B3GALNT2: variants seen among roughly 807,000 people sequenced by gnomAD.
B3GALNT2 encodes the protein UDP-GalNAc:beta-1,3-N-acetylgalactosaminyltransferase 2.
In B3GALNT2, 53 loss-of-function variants were observed where a neutral mutation model predicts 61.1. The observed-to-expected ratio is 0.87, with a 90% CI of 0.70 to 1.09. The LOEUF (loss-of-function observed/expected upper bound fraction) is 1.09. Among genes scored for constraint, B3GALNT2 ranks in the 50% least tolerant of loss-of-function variants. B3GALNT2 has a pLI of 0.00. For missense variants in B3GALNT2, 544 were observed against 623.0 expected (o/e 0.87, Z 1.35); for synonymous variants, 223 against 237.4 (o/e 0.94, Z 0.56).
At chr1:235,454,445 T>TC (rs1332754399) in intron 9 of B3GALNT2, 130 bp from the exon 10 acceptor site, 2 of 1,029,666 alleles carry the variant, frequency 1.9e-6, no homozygotes, top group Non-Finnish European at 2.7e-6. Flanking sequence ...TAAGAAAATT[T>TC]CTTTTTTTTT....
intron 4 of B3GALNT2, among the ~76,000 whole-genome samples, chr1:235,481,623 C>T (rs981361785): frequency 3.9e-5 from 6 of 152,040 alleles, no homozygotes; most frequent in South Asian, 2.1e-4. Flanking sequence ...GGATTACAGG[C>T]GTGAGCCATT....
At chr1:235,465,458 T>C in intron 7 of B3GALNT2, 178 bp downstream of exon 7, 2 of 970,320 alleles carry the variant, frequency 2.1e-6, no homozygotes, top group Admixed American at 3.2e-5. Flanking sequence ...TTTTGGGAGG[T>C]GGAGCCGGTT....
At chr1:235,472,970 G>A (rs704715) in intron 5 of B3GALNT2, among the ~76,000 whole-genome samples, 68,836 of 151,872 alleles carry the variant, frequency 0.45, 16,230 homozygotes, top group Non-Finnish European at 0.5. Context: ...GTGCAGTGGC[G>A]TGATCTCTGC....
At chr1:235,501,905 T>A (rs1313430056) in intron 1 of B3GALNT2, among the ~76,000 whole-genome samples, 1 of 151,892 alleles carries the variant, frequency 6.6e-6, no homozygotes. Context: ...GACAGCACAA[T>A]GGTAAAGGAA....
At chr1:235,466,731 A>T (rs764702124) in intron 6 of B3GALNT2, among the ~76,000 whole-genome samples, 52 of 152,156 alleles carry the variant, frequency 3.4e-4, no homozygotes, top group Admixed American at 4.6e-4. Flanking sequence ...TAGAATGGAG[A>T]ATCTTTTATT....
At chr1:235,503,725 G>C (rs1193026984) in intron 1 of B3GALNT2, among the ~76,000 whole-genome samples, 1 of 151,028 alleles carries the variant, frequency 6.6e-6, no homozygotes, top group Non-Finnish European at 1.5e-5. Context: ...AGTCTTGACC[G>C]AGAAAGACCA....
At chr1:235,488,890 C>G (rs938482226) in intron 3 of B3GALNT2, among the ~76,000 whole-genome samples, 1 of 151,508 alleles carries the variant, frequency 6.6e-6, no homozygotes, top group Non-Finnish European at 1.5e-5. Context: ...CTCAACTCTA[C>G]AAAAAATTTA....
chr1:235,448,867 T>TACAACTTGTCCTAAGTATAAC lies in B3GALNT2; in HGVS notation c.*1318_*1338dup, dbSNP rs1682689664. The TACAACTTGTCCTAAGTATAAC allele has an allele frequency of 1.1e-6, 1 of 879,094 alleles. No homozygotes were observed. Among genetic ancestry groups the TACAACTTGTCCTAAGTATAAC allele is most frequent in the Middle Eastern group, 2.1e-4 (1 of 4,676 alleles). 54.5% of individuals were successfully genotyped at this position (879,094 alleles called of 1,614,324 possible). A position where few individuals can be genotyped will look rare whatever the true frequency, so the allele number is the denominator to read the frequency against. Reference sequence around the variant, plus strand: ...TTCTACTGTCAAAACAAAGGGGGTTTACAACTTGTCCTAAGTATAACAAGG... The same window carrying TACAACTTGTCCTAAGTATAAC: ...TTCTACTGTCAAAACAAAGGGGGTTTACAACTTGTCCTAAGTATAACACAACTTGTCCTAAGTATAACAAGG... On this transcript the variant is annotated 3_prime_UTR_variant, in exon 12 of 12. Coordinates refer to ENST00000366600, the MANE Select transcript of B3GALNT2 (RefSeq NM_152490.5).
chr1:235,455,510 C>T (rs1286767923), intron 9 of B3GALNT2, 49 bp downstream of exon 9: 1 of 1,569,080 alleles, frequency 6.4e-7, no homozygotes, highest in Admixed American at 1.7e-5. Flanking sequence ...TTATTAATTA[C>T]ATTTGATCAG....
intron 7 of B3GALNT2, 56 bp downstream of exon 7, chr1:235,465,580 A>G: frequency 1.9e-6 from 3 of 1,577,496 alleles, no homozygotes; most frequent in South Asian, 1.2e-5. Flanking sequence ...TCTCAAGTAT[A>G]AAGATTAAGT....
At chr1:235,470,462 C>G (rs1003434061) in intron 6 of B3GALNT2, among the ~76,000 whole-genome samples, 1 of 151,126 alleles carries the variant, frequency 6.6e-6, no homozygotes, top group Non-Finnish European at 1.5e-5. Flanking sequence ...TGTAGTGGTG[C>G]GCACCTGTAG....
At chr1:235,504,072 C>T in intron 1 of B3GALNT2, 69 bp downstream of exon 1, 1 of 1,198,984 alleles carries the variant, frequency 8.3e-7, no homozygotes, top group Non-Finnish European at 1.0e-6. Flanking sequence ...CCCGGCGAAG[C>T]CCCGCGGCAC....
At chr1:235,461,505 C>A (rs1283039401) in intron 7 of B3GALNT2, among the ~76,000 whole-genome samples, 1 of 117,198 alleles carries the variant, frequency 8.5e-6, no homozygotes, top group Non-Finnish European at 1.7e-5. Context: ...AGATGACCTC[C>A]TGTTTTTTTT....
intron 2 of B3GALNT2, among the ~76,000 whole-genome samples, chr1:235,493,197 G>A (rs1685162560): frequency 6.6e-6 from 1 of 152,190 alleles, no homozygotes; most frequent in South Asian, 2.1e-4. Flanking sequence ...TATGGTCTAA[G>A]CAGCATCTGG....
intron 1 of B3GALNT2, among the ~76,000 whole-genome samples, chr1:235,502,137 T>C (rs1208749719): frequency 6.6e-6 from 1 of 152,148 alleles, no homozygotes; most frequent in South Asian, 2.1e-4. Flanking sequence ...CTCAGCCTCC[T>C]TAGTAGCTGG....
Position 235,471,046 on chromosome 1 carries a change from A to G in B3GALNT2, c.652-86T>C, listed in dbSNP as rs1572513642. 4.5e-6 allele frequency: 7 copies of G among 1,553,756 alleles called. No homozygotes were observed. The East Asian group carries it at 1.4e-4, about 30-fold the overall frequency. On this transcript the variant is annotated intron_variant, in intron 5 of 11. Coordinates refer to ENST00000366600, the MANE Select transcript of B3GALNT2 (RefSeq NM_152490.5). ...ATGCTTTCAGGCAAGATTTTTAGAG[A>G]AAATTTTTCCCAAAACGTATCATTT...
chr1:235,504,214 G>T lies in B3GALNT2; in HGVS notation c.39C>A (p.Leu13=). The T allele has an allele frequency of 6.8e-7, 1 of 1,460,040 alleles. No individual in the cohort carries two copies. Among genetic ancestry groups the T allele is most frequent in the South Asian group, 1.3e-5 (1 of 76,982 alleles). 90.4% of individuals were successfully genotyped at this position (1,460,040 alleles called of 1,614,324 possible). A position where few individuals can be genotyped will look rare whatever the true frequency, so the allele number is the denominator to read the frequency against. ...NWLVLLCPCV[L]GAALHLWLRL... Reference sequence around the variant, plus strand: ...GCAGCCAGAGGTGCAGCGCGGCCCCGAGCACACACGGGCACAGCAGCACCA... The same window carrying T: ...GCAGCCAGAGGTGCAGCGCGGCCCCTAGCACACACGGGCACAGCAGCACCA... The change falls in exon 1 of 12, where the codon CTC becomes CTA. Residue 13 remains leucine, a synonymous_variant. Transcript: ENST00000366600.
chr1:235,458,841 A>G (rs1683288078), intron 7 of B3GALNT2, 55 bp from the exon 8 acceptor site: 5 of 1,424,992 alleles, frequency 3.5e-6, no homozygotes, highest in African/African-American at 1.5e-5. Context: ...GTTACCATTC[A>G]GAACTGATGA....
rs1007877874 is a variant in B3GALNT2, at chr1:235,448,086, G to A, written c.*2120C>T. Among the ~76,000 whole-genome samples, 1 of 152,094 alleles carries A rather than the reference G, an allele frequency of 6.6e-6. No homozygotes were observed. Among genetic ancestry groups the A allele is most frequent in the Non-Finnish European group, 1.5e-5 (1 of 68,016 alleles). On this transcript the variant is annotated 3_prime_UTR_variant, in exon 12 of 12. Coordinates refer to ENST00000366600, the MANE Select transcript of B3GALNT2 (RefSeq NM_152490.5). ...TAGCTGGGTGTGGTGATGGGCACCA[G>A]CTACTCAGGAGGCTGAGGCAGGAGA...
Sources: gnomAD v4.1 joint callset for allele counts (sites outside exome capture counted in the v4.1 genomes callset) on GRCh38, gnomAD v4.1.1 for gene constraint, MANE v1.5 for transcripts, NCBI Gene and HGNC (gene_info 2026-07-23, HGNC 2026-07-21) for gene names.